The following SYMPK variants were observed in gnomAD, a reference collection of about 807,000 sequenced individuals.
SYMPK encodes the protein symplekin scaffold protein, also known as symplekin.
A neutral mutation model predicts 136.4 loss-of-function variants in SYMPK; 49 were observed. That is an observed-to-expected ratio of 0.36 (90% confidence interval 0.29 to 0.46). The LOEUF (loss-of-function observed/expected upper bound fraction) is 0.46. Among genes scored for constraint, SYMPK ranks in the 20% least tolerant of loss-of-function variants. The pLI, the probability that SYMPK is intolerant of heterozygous loss-of-function variation, is 1.00. For missense variants in SYMPK, 1,365 were observed against 1,690.0 expected, an observed-to-expected ratio of 0.81 and a Z score of 3.37; for synonymous variants, 766 against 713.0, an observed-to-expected ratio of 1.07 and a Z score of -1.19.
At chr19:45,826,095 G>A in intron 17 of SYMPK, 131 bp downstream of exon 17, 2 of 1,376,106 alleles carry the variant, frequency 1.5e-6, no homozygotes, top group Non-Finnish European at 9.8e-7. Context: ...ACAGCCCCCA[G>A]GTGGCTGTCC....
At chr19:45,838,858 T>C (rs902282733) in intron 9 of SYMPK, among the ~76,000 whole-genome samples, 1 of 152,190 alleles carries the variant, frequency 6.6e-6, no homozygotes. Context: ...GCCACACCCC[T>C]GCAGCTTATC....
In SYMPK at chr19:45,821,062, C is replaced by T. The variant is rs1477174198; in HGVS notation, c.2893+322G>A. The T allele has an allele frequency of 1.6e-6, 1 of 626,676 alleles. No individual in the cohort carries two copies. The highest frequency in any genetic ancestry group is 1.9e-5 in the South Asian group (1 of 53,708). 38.8% of individuals were successfully genotyped at this position (626,676 alleles called of 1,614,324 possible). A position where few individuals can be genotyped will look rare whatever the true frequency, so the allele number is the denominator to read the frequency against. On this transcript the variant is annotated intron_variant, in intron 22 of 26. Transcript: ENST00000245934. The surrounding 1 kb of genome is among the most constrained non-coding windows in gnomAD (Gnocchi z 4.4). ...CACTCACGGTGTGCCCTGCTTCCTT[C>T]TGTTCCTCGGGGCTAGGGGTGGGGC...
At position 45,822,779 on chromosome 19, in the gene SYMPK, T is replaced by C. The variant is rs1600494317; in HGVS notation, c.2768A>G (p.Asn923Ser). 1 of 1,614,088 alleles carries C rather than the reference T, an allele frequency of 6.2e-7. No homozygotes were observed. The highest frequency in any genetic ancestry group is 8.5e-7 in the Non-Finnish European group (1 of 1,179,986). The change falls in exon 21 of 27, where the codon AAC becomes AGC. Residue 923 changes from asparagine (N) to serine (S), a missense_variant. By Grantham distance (46) the Asn-to-Ser change is conservative. This residue lies in a region of SYMPK where 156 missense variants were observed against 217.8 expected (regional missense o/e 0.72). Coordinates refer to ENST00000245934, the MANE Select transcript of SYMPK (RefSeq NM_004819.3). The part of the protein sequence containing the change: ...LNPIVVKEVF[N>S]RLLGTQHGEG... ...ACCATGCTGGGTGCCCAGCAGGCGG[T>C]TGAAGACTTCCTTCACCACGATGGG...
At chr19:45,819,044 G>C (rs981603664) in intron 22 of SYMPK, 1 of 152,058 alleles carries the variant, frequency 6.6e-6, no homozygotes, top group African/African-American at 2.4e-5. Flanking sequence ...TGAATGGGCA[G>C]AGCAGACAGT....
chr19:45,830,480 G>A, intron 12 of SYMPK: 1 of 403,320 alleles, frequency 2.5e-6, no homozygotes, highest in Admixed American at 3.6e-5. Context: ...ATGTCTGGGG[G>A]ACCAGCTCTC....
intron 1 of SYMPK, among the ~76,000 whole-genome samples, chr19:45,858,658 G>A (rs1275456650): frequency 6.6e-6 from 1 of 152,162 alleles, no homozygotes; most frequent in Non-Finnish European, 1.5e-5. Context: ...TGGGATTACA[G>A]GCATGTGCCA....
chr19:45,827,444 TC>T, intron 16 of SYMPK, 65 bp downstream of exon 16: 1 of 1,162,660 alleles, frequency 8.6e-7, no homozygotes, highest in Non-Finnish European at 1.3e-6. Context: ...GGCTGGTTAC[TC>T]AGGATAGAGG....
chr19:45,824,635 G>C (rs1483090527), intron 18 of SYMPK, among the ~76,000 whole-genome samples: 1 of 152,206 alleles, frequency 6.6e-6, no homozygotes, highest in Non-Finnish European at 1.5e-5. Flanking sequence ...AAGAAAAAAA[G>C]TGGTTTCAAA....
At chr19:45,841,248 T>C (rs1374708965) in intron 9 of SYMPK, among the ~76,000 whole-genome samples, 1 of 151,874 alleles carries the variant, frequency 6.6e-6, no homozygotes, top group Non-Finnish European at 1.5e-5. Context: ...CCTTCCAAAA[T>C]GCTGGGATTA....
chr19:45,857,653 G>A (rs1050976250), intron 1 of SYMPK, among the ~76,000 whole-genome samples: 8 of 150,900 alleles, frequency 5.3e-5, no homozygotes, highest in East Asian at 4.0e-4. Flanking sequence ...CACCACGCCC[G>A]GCTAATTTTT....
intron 22 of SYMPK, chr19:45,819,165 T>TCTTC (rs1310517131): frequency 6.6e-6 from 1 of 152,012 alleles, no homozygotes; most frequent in Non-Finnish European, 1.5e-5. Context: ...ACCCCTCCCC[T>TCTTC]CTTCCTTCCC....
intron 23 of SYMPK, among the ~76,000 whole-genome samples, chr19:45,817,377 G>A (rs1970772619): frequency 6.6e-6 from 1 of 151,552 alleles, no homozygotes; most frequent in East Asian, 1.9e-4. Context: ...CAGCCTCCAG[G>A]GGGCGACATT....
chr19:45,826,413 G>C, intron 16 of SYMPK, 40 bp from the exon 17 acceptor site: 1 of 1,604,290 alleles, frequency 6.2e-7, no homozygotes, highest in Non-Finnish European at 8.5e-7. Context: ...CAGGGAAGAG[G>C]TAAGAGGAAG....
At chr19:45,836,144 C>T (rs1185849310) in intron 10 of SYMPK, among the ~76,000 whole-genome samples, 3 of 151,266 alleles carry the variant, frequency 2.0e-5, no homozygotes, top group Admixed American at 6.6e-5. Context: ...TGCAGTGGCA[C>T]GATCTCAGCT....
At chr19:45,843,980 GAC>G (rs1338368863) in intron 8 of SYMPK, 48 bp downstream of exon 8, 1 of 504,822 alleles carries the variant, frequency 2.0e-6, no homozygotes, top group Non-Finnish European at 3.2e-6. Flanking sequence ...AGAAAGAGCA[GAC>G]TGGCCAGTGA....
intron 18 of SYMPK, 40 bp from the exon 19 acceptor site, chr19:45,823,915 G>A: frequency 1.3e-6 from 2 of 1,560,242 alleles, no homozygotes; most frequent in Non-Finnish European, 1.8e-6. Flanking sequence ...CAGGGTGAGA[G>A]CTTAGGGGAG....
At position 45,815,896 on chromosome 19, in the gene SYMPK, G is replaced by A. The variant is rs372241569; in HGVS notation, c.3642C>T (p.Thr1214=). 8.9e-5 allele frequency: 144 copies of A among 1,611,780 alleles called. No individual in the cohort carries two copies. The highest frequency in any genetic ancestry group is 1.6e-4 in the Middle Eastern group (1 of 6,062). The change falls in exon 26 of 27, where the codon ACC becomes ACT. Residue 1214 remains threonine (T), a synonymous_variant. Transcript: ENST00000245934. ...GACTAGAGTCCAACAGCGCGGCCTC[G>A]GTCAGCCCCGAGTCGTCATCCATGC... ...FISMDDDSGL[T]EAALLDSSLE...
chr19:45,821,294 G>C lies in SYMPK; in HGVS notation c.2893+90C>G, dbSNP rs1480475313. ...GGCTGTGAGTGACAGTCTTTGACTT[G>C]GCAGATTCCAGTGGGGGCATGTGGG... On this transcript the variant is annotated intron_variant, in intron 22 of 26. Coordinates refer to ENST00000245934, the MANE Select transcript of SYMPK (RefSeq NM_004819.3). This position sits in a 1 kb window ranked among gnomAD's most constrained non-coding sequence, Gnocchi z 4.4. 2 of 968,218 alleles carry C rather than the reference G, an allele frequency of 2.1e-6. No homozygotes were observed. Among genetic ancestry groups the C allele is most frequent in the Non-Finnish European group, 3.3e-6 (2 of 601,232 alleles). 60.0% of individuals were successfully genotyped at this position (968,218 alleles called of 1,614,324 possible).
chr19:45,831,612 C>T (rs1299126029), intron 11 of SYMPK, 24 bp from the exon 12 acceptor site: 5 of 1,550,400 alleles, frequency 3.2e-6, no homozygotes, highest in African/African-American at 2.7e-5. Context: ...AGCAAACAGA[C>T]ACCCAGTGCG....
Sources: allele counts gnomAD v4.1 joint callset (sites outside exome capture counted in the v4.1 genomes callset), GRCh38; gene constraint gnomAD v4.1.1; regional missense constraint gnomAD v4.1.1; non-coding constraint Gnocchi (gnomAD v3.1); transcripts MANE v1.5; gene names NCBI Gene and HGNC (gene_info 2026-07-23, HGNC 2026-07-21).